DNHD1: variants seen among roughly 807,000 people sequenced by gnomAD.
DNHD1 encodes the protein dynein heavy chain domain 1.
A neutral mutation model predicts 458.1 loss-of-function variants in DNHD1; 383 were observed. The ratio of observed to expected loss-of-function variants is 0.84; its 90% confidence interval spans 0.77 to 0.91. DNHD1 has a LOEUF of 0.91. Among genes scored for constraint, DNHD1 ranks in the 40% least tolerant of loss-of-function variants. The pLI is 0.00. For synonymous variants in DNHD1, 2,203 were observed against 2,376.9 expected (o/e 0.93, Z 2.13); for missense variants, 5,336 against 5,866.1 (o/e 0.91, Z 2.95).
In DNHD1 at chr11:6,512,384, C is replaced by G. The variant is rs535570045; in HGVS notation, c.1392+955C>G. 2.4e-4 allele frequency among the ~76,000 whole-genome samples: 37 copies of G among 151,154 alleles called. 1 individual carries two copies. In the South Asian group the frequency reaches 7.3e-3, roughly 30 times the overall value. ...TACAGGCACCCACCACCATGCCCGG[C>G]TAATTTTTTTTGTATTTTTAGTAGA... On this transcript the variant is annotated intron_variant, in intron 7 of 42. Coordinates refer to ENST00000254579, the MANE Select transcript of DNHD1 (RefSeq NM_144666.3).
chr11:6,516,508 G>C (rs1381142857), intron 7 of DNHD1, among the ~76,000 whole-genome samples: 1 of 151,292 alleles, frequency 6.6e-6, no homozygotes, highest in Non-Finnish European at 1.5e-5. Flanking sequence ...TCATTGGCCA[G>C]GCTGGTCTCA....
rs1853258620 is a variant in DNHD1, at chr11:6,547,918, C to T, written c.6783C>T (p.Ser2261=). 1 of 1,551,768 alleles carries T rather than the reference C, an allele frequency of 6.4e-7. No homozygotes were observed. Among genetic ancestry groups the T allele is most frequent in the Admixed American group, 2.0e-5 (1 of 50,988 alleles). ...AAAGCTTCAGGTCTTCAAAAAGCAGCTTTCTAAACCGGTCCCAGGTTGACA... is the reference window on the plus strand; with the variant it reads ...AAAGCTTCAGGTCTTCAAAAAGCAGTTTTCTAAACCGGTCCCAGGTTGACA... ...VAQSFRSSKS[S]FLNRSQVDSD... is the part of the protein sequence containing the mutation. Residue 2261 remains serine (S), a synonymous_variant, in exon 22 of 43, where the codon AGC becomes AGT. Coordinates refer to ENST00000254579, the MANE Select transcript of DNHD1 (RefSeq NM_144666.3).
intron 7 of DNHD1, among the ~76,000 whole-genome samples, chr11:6,517,532 T>G (rs1852502434): frequency 6.6e-6 from 1 of 152,006 alleles, no homozygotes; most frequent in Non-Finnish European, 1.5e-5. Context: ...AATGAAATAT[T>G]ATTCAGTCAC....
chr11:6,564,588 C>A lies in DNHD1; in HGVS notation c.10540C>A (p.Leu3514Met). 2 of 1,551,752 alleles carry A rather than the reference C, an allele frequency of 1.3e-6. No homozygotes were observed. The highest frequency in any genetic ancestry group is 1.7e-6 in the Non-Finnish European group (2 of 1,147,006). ...THSPFSILSL[L>M]SSESEQYQWD... is the part of the protein sequence containing the mutation. ...CTCTCCCTTCAGTATTCTGTCCTTG[C>A]TGAGCTCTGAATCGGAGCAGTACCA... is the stretch of plus-strand genomic sequence containing the variant. Residue 3514 changes from leucine (L) to methionine (M), a missense_variant, in exon 32 of 43, where the codon CTG becomes ATG. Leu to Met is a conservative substitution (Grantham distance 15). Around this residue, in one of 4 missense-constraint regions of DNHD1, gnomAD observed 3,932 missense variants for 4,365.6 expected, o/e 0.90. Coordinates refer to ENST00000254579, the MANE Select transcript of DNHD1 (RefSeq NM_144666.3).
At chr11:6,512,512 G>A (rs369040870) in intron 7 of DNHD1, among the ~76,000 whole-genome samples, 36 of 151,882 alleles carry the variant, frequency 2.4e-4, no homozygotes, top group East Asian at 5.8e-4. Flanking sequence ...GTGAACCACC[G>A]CGCCTGGCCG....
chr11:6,570,846 A>G lies in DNHD1; in HGVS notation c.13334A>G (p.Gln4445Arg). The change falls in exon 42 of 43, where the codon CAA becomes CGA. Residue 4445 changes from glutamine to arginine, a missense_variant. Physicochemically the swap from Gln to Arg is conservative, Grantham distance 43. Around this residue, in one of 4 missense-constraint regions of DNHD1, gnomAD observed 698 missense variants for 664.9 expected, o/e 1.05. Transcript: ENST00000254579. ...AERRLRQRLVQVNRRLESLQD... is the reference protein window; with the variant it reads ...AERRLRQRLVRVNRRLESLQD... Reference sequence around the variant, plus strand: ...AGGCGACTGCGGCAACGCCTAGTGCAAGTCAACCGGAGGCTGGAGTCACTG... The same window carrying G: ...AGGCGACTGCGGCAACGCCTAGTGCGAGTCAACCGGAGGCTGGAGTCACTG... 1.2e-6 allele frequency: 2 copies of G among 1,614,032 alleles called. No homozygotes were observed. The highest frequency in any genetic ancestry group is 1.7e-6 in the Non-Finnish European group (2 of 1,179,888).
rs1215781298 is a variant in DNHD1 at position 6,538,453 on chromosome 11, C to T, written c.3069C>T (p.His1023=). The part of the protein sequence containing the change: ...RPIVQQQRIW[H]LYRVISENIS... Reference sequence around the variant, plus strand: ...TTGTGCAGCAGCAGCGCATATGGCACCTGTACCGAGTCATCTCCGAAAACA... The same window carrying T: ...TTGTGCAGCAGCAGCGCATATGGCATCTGTACCGAGTCATCTCCGAAAACA... Residue 1023 remains histidine, a synonymous_variant, in exon 15 of 43, where the codon CAC becomes CAT. Transcript: ENST00000254579. The T allele has an allele frequency of 1.3e-6, 2 of 1,551,790 alleles. No homozygotes were observed. The highest frequency in any genetic ancestry group is 2.4e-5 in the East Asian group (1 of 40,926).
At chr11:6,514,881 A>C (rs550181846) in intron 7 of DNHD1, among the ~76,000 whole-genome samples, 85 of 152,334 alleles carry the variant, frequency 5.6e-4, no homozygotes, top group Non-Finnish European at 2.9e-5. Context: ...GAGGCTGGGA[A>C]GTCCAAGAGC....
Position 6,544,870 on chromosome 11 carries a change from C to T in DNHD1, c.3931C>T (p.Leu1311Phe). The change falls in exon 21 of 43, where the codon CTT becomes TTT. Residue 1311 changes from leucine to phenylalanine, a missense_variant. Around this residue, in one of 4 missense-constraint regions of DNHD1, gnomAD observed 3,932 missense variants for 4,365.6 expected, o/e 0.90. Transcript: ENST00000254579. ...ISVADPMVLS[L>F]VVPSAERSPY... is the part of the protein sequence containing the mutation. Reference sequence around the variant, plus strand: ...TGTAGCTGACCCCATGGTTCTGTCACTTGTAGTGCCCAGTGCCGAGAGGAG... The same window carrying T: ...TGTAGCTGACCCCATGGTTCTGTCATTTGTAGTGCCCAGTGCCGAGAGGAG... The T allele has an allele frequency of 6.4e-7, 1 of 1,551,702 alleles. No individual in the cohort carries two copies. Among genetic ancestry groups the T allele is most frequent in the African/African-American group, 1.4e-5 (1 of 73,176 alleles).
Position 6,570,742 on chromosome 11 carries a change from T to C in DNHD1, c.13230T>C (p.Ser4410=). The part of the protein sequence containing the change: ...GPQAWLLRRQ[S]RALLSALQRS... ...AAGCCTGGCTGTTGCGACGCCAGAG[T>C]CGCGCTCTCTTGAGTGCGCTGCAGC... is the stretch of plus-strand genomic sequence containing the variant. Residue 4410 remains serine (S), a synonymous_variant, in exon 42 of 43, where the codon AGT becomes AGC. Coordinates refer to ENST00000254579, the MANE Select transcript of DNHD1 (RefSeq NM_144666.3). 6.2e-7 allele frequency: 1 copy of C among 1,611,212 alleles called. No homozygotes were observed.
In DNHD1 at chr11:6,545,473, C is replaced by G; in HGVS notation, c.4534C>G (p.Leu1512Val). Reference protein sequence around the residue: ...LVQAFPWQCVLVAEEVVWRAE... With the variant: ...LVQAFPWQCVVVAEEVVWRAE... ...CCAGGCCTTCCCATGGCAGTGTGTG[C>G]TGGTGGCAGAGGAGGTGGTATGGCG... Residue 1512 changes from leucine (L) to valine (V), a missense_variant, in exon 21 of 43, where the codon CTG (leucine) becomes GTG (valine). Leu to Val is a conservative substitution (Grantham distance 32). This residue lies in a region of DNHD1 where 3,932 missense variants were observed against 4,365.6 expected (regional missense o/e 0.90). Transcript: ENST00000254579. The surrounding 1 kb of genome is among the most constrained non-coding windows in gnomAD (Gnocchi z 4.9). 2 of 1,551,864 alleles carry G rather than the reference C, an allele frequency of 1.3e-6. No individual in the cohort carries two copies. Among genetic ancestry groups the G allele is most frequent in the Non-Finnish European group, 1.7e-6 (2 of 1,147,024 alleles).
At position 6,570,265 on chromosome 11, in the gene DNHD1, G is replaced by C. The variant is rs756859705; in HGVS notation, c.12974G>C (p.Gly4325Ala). 48 of 1,613,608 alleles carry C rather than the reference G, an allele frequency of 3.0e-5. No individual in the cohort carries two copies. The highest frequency in any genetic ancestry group is 1.6e-4 in the Middle Eastern group (1 of 6,084). The change falls in exon 41 of 43, where the codon GGT (glycine) becomes GCT (alanine). Residue 4325 changes from glycine to alanine, a missense_variant. By Grantham distance (60) the Gly-to-Ala change is moderately conservative. Around this residue, in one of 4 missense-constraint regions of DNHD1, gnomAD observed 698 missense variants for 664.9 expected, o/e 1.05. Transcript: ENST00000254579. Reference sequence around the variant, plus strand: ...TCTTCAGCTTCAGTTTTCTACGGGGGTCCTCTGGGGGACACTGAGGACAGG... The same window carrying C: ...TCTTCAGCTTCAGTTTTCTACGGGGCTCCTCTGGGGGACACTGAGGACAGG... ...QELAASVFYG[G>A]PLGDTEDREA...
At chr11:6,540,908 T>G (rs1378779040) in intron 18 of DNHD1, among the ~76,000 whole-genome samples, 1 of 152,278 alleles carries the variant, frequency 6.6e-6, no homozygotes, top group Non-Finnish European at 1.5e-5. Flanking sequence ...TACATACATG[T>G]ACATTTATTT....
intron 10 of DNHD1, 24 bp from the exon 11 acceptor site, chr11:6,528,498 C>T (rs1852761126): frequency 1.3e-6 from 2 of 1,537,652 alleles, no homozygotes; most frequent in Non-Finnish European, 1.8e-6. Context: ...TACTCACGGA[C>T]AATTATGGCC....
At chr11:6,520,353 T>C (rs753738755) in intron 10 of DNHD1, 64 bp downstream of exon 10, 33 of 1,550,840 alleles carry the variant, frequency 2.1e-5, no homozygotes, top group Non-Finnish European at 2.7e-5. Flanking sequence ...CAAGTACTAA[T>C]GGCATGGGAA....
chr11:6,571,739 A>G lies in DNHD1; in HGVS notation c.14015A>G (p.Asp4672Gly). Residue 4672 changes from aspartate to glycine, a missense_variant, in exon 43 of 43, where the codon GAC becomes GGC. Coordinates refer to ENST00000254579, the MANE Select transcript of DNHD1 (RefSeq NM_144666.3). This position sits in a 1 kb window ranked among gnomAD's most constrained non-coding sequence, Gnocchi z 5.0. ...GACCCAATAGCTGGAGCCTTGCAGG[A>G]CAGTCCTTCCAGCCAACCCAGCCCT... ...EWDPIAGALQ[D>G]SPSSQPSPLP... The G allele has an allele frequency of 1.2e-6, 2 of 1,613,130 alleles. No individual in the cohort carries two copies. The highest frequency in any genetic ancestry group is 1.7e-6 in the Non-Finnish European group (2 of 1,179,472).
intron 6 of DNHD1, among the ~76,000 whole-genome samples, chr11:6,510,788 T>A (rs576138539): frequency 6.6e-6 from 1 of 152,286 alleles, no homozygotes; most frequent in East Asian, 1.9e-4. Flanking sequence ...TCAAGGATGT[T>A]TACAGTTGTG....
chr11:6,570,107 CCCTT>C lies in DNHD1; in HGVS notation c.12955+11_12955+14del, dbSNP rs776602846. 27 of 1,613,922 alleles carry C rather than the reference CCCTT, an allele frequency of 1.7e-5. No individual in the cohort carries two copies. The highest frequency in any genetic ancestry group is 2.7e-5 in the African/African-American group (2 of 75,022). On this transcript the variant is annotated splice_region_variant and intron_variant, in intron 40 of 42. Coordinates refer to ENST00000254579, the MANE Select transcript of DNHD1 (RefSeq NM_144666.3). The stretch of plus-strand genomic sequence containing the variant: ...GCCATGCAAGAGCTGGCTGGTGAGA[CCCTT>C]CCTCTCCCCCTTGGAGTCATCAGCC...
Position 6,546,208 on chromosome 11 carries a change from G to A in DNHD1, c.5269G>A (p.Gly1757Ser), listed in dbSNP as rs570335753. 60 of 1,551,410 alleles carry A rather than the reference G, an allele frequency of 3.9e-5. 2 individuals carry two copies. In the South Asian group the frequency reaches 6.9e-4, roughly 18 times the overall value. ...GLLSALGQRL[G>S]ELHHLYAPLY... The stretch of plus-strand genomic sequence containing the variant: ...GCTCTCTGCCCTGGGCCAGCGCCTG[G>A]GTGAACTGCACCACTTGTATGCCCC... Residue 1757 changes from glycine to serine, a missense_variant, in exon 21 of 43, where the codon GGT (glycine) becomes AGT (serine). Physicochemically the swap from Gly to Ser is moderately conservative, Grantham distance 56. Transcript: ENST00000254579.
Sources: allele counts gnomAD v4.1 joint callset (sites outside exome capture counted in the v4.1 genomes callset), GRCh38; gene constraint gnomAD v4.1.1; regional missense constraint gnomAD v4.1.1; non-coding constraint Gnocchi (gnomAD v3.1); transcripts MANE v1.5; gene names NCBI Gene and HGNC (gene_info 2026-07-23, HGNC 2026-07-21).